Variants in RAP1GAP observed in about 807,000 individuals in gnomAD.
RAP1GAP encodes the protein RAP1 GTPase activating protein.
A neutral mutation model predicts 87.2 loss-of-function variants in RAP1GAP; 35 were observed. The observed-to-expected ratio is 0.40, with a 90% CI of 0.31 to 0.53. The LOEUF (loss-of-function observed/expected upper bound fraction) is 0.53, where lower values mean the gene tolerates loss of function less well. Among genes scored for constraint, RAP1GAP ranks in the 20% least tolerant of loss-of-function variants. The probability of loss-of-function intolerance (pLI) is 0.48; values close to 1 mark genes in which losing one functional copy is unlikely to be tolerated. For missense variants in RAP1GAP, 734 were observed against 898.9 expected, an observed-to-expected ratio of 0.82 and a Z score of 2.35; for synonymous variants, 375 against 363.9, an observed-to-expected ratio of 1.03 and a Z score of -0.35.
chr1:21,620,590 C>T (rs1314232243), intron 3 of RAP1GAP, among the ~76,000 whole-genome samples: 4 of 152,218 alleles, frequency 2.6e-5, no homozygotes, highest in Non-Finnish European at 5.9e-5. Flanking sequence ...CTCGAGCTAC[C>T]CTCTCCCGGG....
intron 2 of RAP1GAP, among the ~76,000 whole-genome samples, chr1:21,636,376 C>T (rs1351781807): frequency 6.6e-6 from 1 of 152,272 alleles, no homozygotes; most frequent in Non-Finnish European, 1.5e-5. Context: ...TTAACATTCA[C>T]CATGAGCATT....
At chr1:21,614,149 C>A in intron 7 of RAP1GAP, 60 bp from the exon 8 acceptor site, 1 of 1,275,256 alleles carries the variant, frequency 7.8e-7, no homozygotes, top group Non-Finnish European at 1.1e-6. Flanking sequence ...CTTTTGGAAA[C>A]AAGGCCAGAA....
Position 21,634,867 on chromosome 1 carries a change from T to C in RAP1GAP, c.-112-8470A>G. On this transcript the variant is annotated intron_variant, in intron 2 of 24. Transcript: ENST00000374765. The surrounding 1 kb of genome is among the most constrained non-coding windows in gnomAD (Gnocchi z 4.1). ...ACCGAGGACTTCAGTGTGGACTGAC[T>C]CCTCCCCTGCACTGGGGTAAGGAGG... 3.8e-6 allele frequency: 1 copy of C among 265,350 alleles called. No individual in the cohort carries two copies. The highest frequency in any genetic ancestry group is 8.6e-6 in the Non-Finnish European group (1 of 115,694). The allele number at this position is 265,350 out of a possible 1,614,324, so 16.4% of individuals were successfully genotyped here.
rs2003366 is a variant in RAP1GAP at position 21,615,643 on chromosome 1, C to T, written c.292-1554G>A. The stretch of plus-strand genomic sequence containing the variant: ...CTGACCTCAAGTGATCTGCCCACCT[C>T]GGCCTCCCAAAGTGCTGGGATTACA... On this transcript the variant is annotated intron_variant, in intron 7 of 24. Coordinates refer to ENST00000374765, the MANE Select transcript of RAP1GAP (RefSeq NM_002885.4). This position sits in a 1 kb window ranked among gnomAD's most constrained non-coding sequence, Gnocchi z 4.5. Among the ~76,000 whole-genome samples, 401 of 152,238 alleles carry T rather than the reference C, an allele frequency of 2.6e-3. 6 individuals carry two copies. In the East Asian group the frequency reaches 0.047, roughly 18 times the overall value.
chr1:21,597,621 C>A, intron 24 of RAP1GAP, 65 bp downstream of exon 24: 1 of 1,407,404 alleles, frequency 7.1e-7, no homozygotes, highest in Non-Finnish European at 9.7e-7. Context: ...AGGGAGGAAT[C>A]AGCTCAGCCC....
At position 21,615,299 on chromosome 1, in the gene RAP1GAP, C is replaced by T. The variant is rs2081299423; in HGVS notation, c.292-1210G>A. 6.6e-6 allele frequency among the ~76,000 whole-genome samples: 1 copy of T among 152,220 alleles called. No individual in the cohort carries two copies. Among genetic ancestry groups the T allele is most frequent in the Admixed American group, 6.5e-5 (1 of 15,292 alleles). ...GTGCCTGAGCACCTGGCTGCTTCCC[C>T]CATTACCCCACCTGGAGTCAGGAAG... On this transcript the variant is annotated intron_variant, in intron 7 of 24. Coordinates refer to ENST00000374765, the MANE Select transcript of RAP1GAP (RefSeq NM_002885.4). This position sits in a 1 kb window ranked among gnomAD's most constrained non-coding sequence, Gnocchi z 4.5.
At position 21,661,634 on chromosome 1, in the gene RAP1GAP, A is replaced by G. The variant is rs543560470; in HGVS notation, c.-149+7620T>C. Among the ~76,000 whole-genome samples the G allele has an allele frequency of 5.3e-5, 8 of 152,368 alleles. No individual in the cohort carries two copies. In the East Asian group the frequency reaches 1.5e-3, roughly 29 times the overall value. On this transcript the variant is annotated intron_variant, in intron 1 of 24. Transcript: ENST00000374765. ...TGTAAAAGAGGATGGCAATGATAAT[A>G]AAAGTACTTACCGCATAGGATTGTT...
At chr1:21,614,868 C>T (rs1380888549) in intron 7 of RAP1GAP, among the ~76,000 whole-genome samples, 1 of 152,170 alleles carries the variant, frequency 6.6e-6, no homozygotes, top group Non-Finnish European at 1.5e-5. Context: ...GTGGAGCTGG[C>T]TGCCCGGCCA....
chr1:21,630,214 C>G (rs981816523), intron 2 of RAP1GAP, among the ~76,000 whole-genome samples: 18 of 152,070 alleles, frequency 1.2e-4, no homozygotes, highest in African/African-American at 4.1e-4. Flanking sequence ...AACACTATAC[C>G]ACTGACACTT....
At chr1:21,602,310 G>A (rs78055240) in intron 19 of RAP1GAP, among the ~76,000 whole-genome samples, 1,621 of 152,290 alleles carry the variant, frequency 0.011, 40 homozygotes, top group African/African-American at 0.037. Flanking sequence ...TCAGTGACTC[G>A]CCCAAGGTCA....
chr1:21,651,389 T>C (rs2096547567), intron 1 of RAP1GAP: 1 of 530,046 alleles, frequency 1.9e-6, no homozygotes, highest in South Asian at 1.4e-5. Context: ...TACTCCCACA[T>C]ACCTATACAT....
chr1:21,612,097 T>C lies in RAP1GAP; in HGVS notation c.541A>G (p.Ile181Val). The C allele has an allele frequency of 1.3e-6, 2 of 1,552,432 alleles. No homozygotes were observed. The highest frequency in any genetic ancestry group is 1.7e-6 in the Non-Finnish European group (2 of 1,147,166). The change falls in exon 11 of 25, where the codon ATC (isoleucine) becomes GTC (valine). Residue 181 changes from isoleucine to valine, a missense_variant. This residue lies in a region of RAP1GAP where 485 missense variants were observed against 646.2 expected (regional missense o/e 0.75). Transcript: ENST00000374765. ...ATGACATGCTCGTCAAAGGTGACGA[T>C]GAGCCGGGAAGCCTGCAGGAGAGGA... Reference protein sequence around the residue: ...PVLYPKASRLIVTFDEHVISN... With the variant: ...PVLYPKASRLVVTFDEHVISN...
In RAP1GAP at chr1:21,610,147, G is replaced by A. The variant is rs200475309; in HGVS notation, c.972C>T (p.Gly324=). ...TGTAGAGGGGGCCATCAGGGCCCCC[G>A]CCCTCAGCCTGCACCACGACGTAGG... ...LHAYVVVQAE[G]GGPDGPLYKV... The change falls in exon 14 of 25, where the codon GGC becomes GGT. Residue 324 remains glycine, a synonymous_variant. Transcript: ENST00000374765. 157 of 1,614,014 alleles carry A rather than the reference G, an allele frequency of 9.7e-5. No individual in the cohort carries two copies. Among genetic ancestry groups the A allele is most frequent in the Non-Finnish European group, 1.1e-4 (129 of 1,179,988 alleles).
chr1:21,616,135 CAACACACACACACACACACACACA>C (rs1393383080), intron 7 of RAP1GAP, among the ~76,000 whole-genome samples: 8 of 100,100 alleles, frequency 8.0e-5, no homozygotes, highest in African/African-American at 2.2e-4. Context: ...CCCCTCTTCC[CAACACACACACACACACACACACA>C]CACACACACA....
At chr1:21,597,896 C>T (rs1485531773) in intron 23 of RAP1GAP, 65 bp downstream of exon 23, 40 of 1,512,300 alleles carry the variant, frequency 2.6e-5, no homozygotes, top group Middle Eastern at 2.3e-4. Context: ...CTCCCAGCCT[C>T]CCCGCCAGCT....
At chr1:21,635,345 A>G (rs987989934) in intron 2 of RAP1GAP, among the ~76,000 whole-genome samples, 2 of 151,690 alleles carry the variant, frequency 1.3e-5, no homozygotes, top group Non-Finnish European at 2.9e-5. Context: ...TCCTTCGCTC[A>G]CTCACCCACT....
intron 1 of RAP1GAP, among the ~76,000 whole-genome samples, chr1:21,664,410 C>T (rs905836669): frequency 3.9e-5 from 6 of 152,154 alleles, no homozygotes; most frequent in Admixed American, 2.6e-4. Flanking sequence ...GCAGACTCCT[C>T]GGCCTGCCAT....
Position 21,622,385 on chromosome 1 carries a change from G to A in RAP1GAP, c.-18-2335C>T. On this transcript the variant is annotated intron_variant, in intron 3 of 24. Coordinates refer to ENST00000374765, the MANE Select transcript of RAP1GAP (RefSeq NM_002885.4). The surrounding 1 kb of genome is among the most constrained non-coding windows in gnomAD (Gnocchi z 5.7). The stretch of plus-strand genomic sequence containing the variant: ...CAGCGAGCCCCTCCGCGGACGGCCG[G>A]GTGGCACCGCGGGCCGCAGCTGTGC... 2.3e-6 allele frequency: 1 copy of A among 430,494 alleles called. No homozygotes were observed. The highest frequency in any genetic ancestry group is 4.1e-6 in the Non-Finnish European group (1 of 244,788). The allele number at this position is 430,494 out of a possible 1,614,324, so 26.7% of individuals were successfully genotyped here. A position where few individuals can be genotyped will look rare whatever the true frequency, so the allele number is the denominator to read the frequency against.
At chr1:21,633,534 G>T (rs1210338924) in intron 2 of RAP1GAP, among the ~76,000 whole-genome samples, 1 of 152,196 alleles carries the variant, frequency 6.6e-6, no homozygotes. Context: ...CGGGAGCAGG[G>T]GAATGGGGAT....
Sources: allele counts gnomAD v4.1 joint callset (sites outside exome capture counted in the v4.1 genomes callset), GRCh38; gene constraint gnomAD v4.1.1; regional missense constraint gnomAD v4.1.1; non-coding constraint Gnocchi (gnomAD v3.1); transcripts MANE v1.5; gene names NCBI Gene and HGNC (gene_info 2026-07-23, HGNC 2026-07-21).